The following RNF212B variants were observed in gnomAD, a reference collection of about 807,000 sequenced individuals.
RNF212B encodes ring finger protein 212B.
In RNF212B, 52 loss-of-function variants were observed where a neutral mutation model predicts 55.5. The ratio of observed to expected loss-of-function variants is 0.94; its 90% CI spans 0.75 to 1.18. RNF212B has a LOEUF of 1.18. Among genes scored for constraint, RNF212B ranks in the 50% most tolerant of loss-of-function variants. RNF212B has a pLI of 0.00. For missense variants in RNF212B, 289 were observed against 350.4 expected (o/e 0.82, Z 1.40); for synonymous variants, 99 against 121.4 (o/e 0.82, Z 1.21).
chr14:23,264,230 G>A lies in RNF212B; in HGVS notation c.581G>A (p.Gly194Glu). The A allele has an allele frequency of 6.5e-7, 1 of 1,547,828 alleles. No homozygotes were observed. Among genetic ancestry groups the A allele is most frequent in the Non-Finnish European group, 8.7e-7 (1 of 1,144,508 alleles). ...PYREAGFGSLGQGGRGLQGRR... is the reference protein window; with the variant it reads ...PYREAGFGSLEQGGRGLQGRR... ...AGAGAGGCTGGCTTTGGTAGCTTGG[G>A]ACAAGTAAGTAATGTTCACCTTATC... The change falls in exon 10 of 15, where the codon GGA becomes GAA. Residue 194 changes from glycine (G) to glutamate (E), a missense_variant. Coordinates refer to ENST00000430154, the MANE Select transcript of RNF212B (RefSeq NM_001282322.3).
rs1381449548 is a variant in RNF212B at position 23,243,262 on chromosome 14, G to A, written c.107G>A (p.Cys36Tyr). The change falls in exon 3 of 15, where the codon TGT becomes TAT. Residue 36 changes from cysteine to tyrosine, a missense_variant. By Grantham distance (194) the Cys-to-Tyr change is radical. Coordinates refer to ENST00000430154, the MANE Select transcript of RNF212B (RefSeq NM_001282322.3). ...TTTTCCCTTTTCCTCCCAGAAAAATGTGCTGTTTGTGGAACTGCCTGCAAG... is the reference window on the plus strand; with the variant it reads ...TTTTCCCTTTTCCTCCCAGAAAAATATGCTGTTTGTGGAACTGCCTGCAAG... ...FCKKCVTLEK[C>Y]AVCGTACKHL... The A allele has an allele frequency of 3.2e-6, 5 of 1,548,880 alleles. No individual in the cohort carries two copies. Among genetic ancestry groups the A allele is most frequent in the South Asian group, 1.2e-5 (1 of 83,946 alleles).
chr14:23,234,169 T>C (rs926211770), upstream of RNF212B, among the ~76,000 whole-genome samples: 2 of 152,192 alleles, frequency 1.3e-5, no homozygotes, highest in Admixed American at 1.3e-4. Flanking sequence ...CTTTTTTTTT[T>C]CAACTGTTCA....
intron 2 of RNF212B, among the ~76,000 whole-genome samples, chr14:23,204,900 AGT>A (rs1404992833): frequency 4.6e-5 from 7 of 152,110 alleles, no homozygotes; most frequent in Non-Finnish European, 8.8e-5. Flanking sequence ...TTCTCTCAGC[AGT>A]GTTTTGTACT....
intron 11 of RNF212B, among the ~76,000 whole-genome samples, chr14:23,266,487 C>T (rs552095976): frequency 1.4e-5 from 2 of 142,330 alleles, no homozygotes; most frequent in East Asian, 4.1e-4. Flanking sequence ...TCTCGGCTCA[C>T]CGCAACCTCC....
intron 11 of RNF212B, 38 bp from the exon 12 acceptor site, chr14:23,268,886 C>T: frequency 1.3e-6 from 2 of 1,526,902 alleles, no homozygotes; most frequent in Non-Finnish European, 1.8e-6. Context: ...TTCTCCAGTT[C>T]ATGGATTATC....
chr14:23,237,703 G>T (rs1331202368), upstream of RNF212B, among the ~76,000 whole-genome samples: 2 of 152,086 alleles, frequency 1.3e-5, no homozygotes, highest in Non-Finnish European at 2.9e-5. Flanking sequence ...AACATGTATG[G>T]GATTAGGTTA....
At chr14:23,256,234 T>C (rs1884821789) in intron 4 of RNF212B, among the ~76,000 whole-genome samples, 2 of 152,142 alleles carry the variant, frequency 1.3e-5, no homozygotes, top group Admixed American at 1.3e-4. Context: ...AAGGGTAGGA[T>C]TAGGATATTT....
At chr14:23,248,869 T>G (rs997981166) in intron 4 of RNF212B, among the ~76,000 whole-genome samples, 7 of 152,344 alleles carry the variant, frequency 4.6e-5, no homozygotes, top group Admixed American at 2.0e-4. Flanking sequence ...AATGAATTTT[T>G]GTGGGACACA....
At chr14:23,250,029 A>G (rs376636901) in intron 4 of RNF212B, among the ~76,000 whole-genome samples, 1 of 152,122 alleles carries the variant, frequency 6.6e-6, no homozygotes, top group African/African-American at 2.4e-5. Flanking sequence ...TCCAATTTCA[A>G]TCACAACTAC....
chr14:23,198,671 CA>C (rs11352293), intron 2 of RNF212B, among the ~76,000 whole-genome samples: 142,248 of 145,274 alleles, frequency 0.98, 69,658 homozygotes, highest in South Asian at 1. Context: ...AAACTCTGTC[CA>C]AAAAAAAAAA....
Position 23,272,968 on chromosome 14 carries a change from C to T in RNF212B, c.*77C>T, listed in dbSNP as rs1886223924. ...TCCAGTACGCATTAGGGGTGATGGCCCTGGAAAATGTATCCCTGCATTGTT... is the reference window on the plus strand; with the variant it reads ...TCCAGTACGCATTAGGGGTGATGGCTCTGGAAAATGTATCCCTGCATTGTT... On this transcript the variant is annotated 3_prime_UTR_variant, in exon 15 of 15. Transcript: ENST00000430154. The T allele has an allele frequency of 3.8e-6, 3 of 785,332 alleles. No individual in the cohort carries two copies. Among genetic ancestry groups the T allele is most frequent in the Admixed American group, 6.2e-5 (2 of 32,380 alleles). 48.6% of individuals were successfully genotyped at this position (785,332 alleles called of 1,614,324 possible).
chr14:23,190,970 G>A (rs905772889), intron 1 of RNF212B, among the ~76,000 whole-genome samples: 37 of 152,294 alleles, frequency 2.4e-4, no homozygotes, highest in Middle Eastern at 3.4e-3. Context: ...CCTGCAGACC[G>A]TCTTGGGGGT....
intron 4 of RNF212B, among the ~76,000 whole-genome samples, chr14:23,246,090 C>A (rs1883958332): frequency 6.6e-6 from 1 of 151,658 alleles, no homozygotes. Flanking sequence ...TTCTGAGGGA[C>A]TGGAGAACCT....
intron 11 of RNF212B, 68 bp from the exon 12 acceptor site, chr14:23,268,856 C>A (rs1256437747): frequency 7.5e-7 from 1 of 1,340,550 alleles, no homozygotes; most frequent in Non-Finnish European, 1.0e-6. Context: ...TTGCCCTGGC[C>A]CCAAGTATAC....
At chr14:23,263,488 G>A (rs1029427073) in intron 9 of RNF212B, among the ~76,000 whole-genome samples, 3 of 152,206 alleles carry the variant, frequency 2.0e-5, no homozygotes, top group Non-Finnish European at 4.4e-5. Context: ...GGTAATCAAT[G>A]ACTGGGGGTC....
chr14:23,232,614 C>T (rs898636412), intron 2 of RNF212B, among the ~76,000 whole-genome samples: 39 of 151,146 alleles, frequency 2.6e-4, no homozygotes, highest in East Asian at 4.0e-4. Flanking sequence ...AGCCCCCGCC[C>T]GGCCAGCCTC....
At position 23,217,822 on chromosome 14, in the gene RNF212B, G is replaced by A. The variant is rs372491728; in HGVS notation, c.-1-22523G>A. Among the ~76,000 whole-genome samples the A allele has an allele frequency of 1.5e-3, 225 of 152,080 alleles. 3 individuals carry two copies. In the South Asian group the frequency reaches 0.034, roughly 23 times the overall value. On this transcript the variant is annotated intron_variant, in intron 2 of 15. Transcript: ENST00000399910. ...ATAATAACGAACTCACCAGTTCTCA[G>A]ACACTGATGAACATCTACAAGCATC... is the stretch of plus-strand genomic sequence containing the variant.
intron 14 of RNF212B, 44 bp downstream of exon 14, chr14:23,270,705 A>G (rs1323037363): frequency 2.2e-6 from 3 of 1,351,198 alleles, no homozygotes; most frequent in Non-Finnish European, 2.1e-6. Flanking sequence ...AAAATCTCAC[A>G]TGGTTAGGCC....
At chr14:23,197,333 C>G (rs1878816702) in intron 2 of RNF212B, among the ~76,000 whole-genome samples, 1 of 152,158 alleles carries the variant, frequency 6.6e-6, no homozygotes, top group Non-Finnish European at 1.5e-5. Flanking sequence ...TTGAGACCAG[C>G]CTGGCCAACA....
Sources: allele counts gnomAD v4.1 joint callset (sites outside exome capture counted in the v4.1 genomes callset), GRCh38; gene constraint gnomAD v4.1.1; transcripts MANE v1.5; gene names NCBI Gene and HGNC (gene_info 2026-07-23, HGNC 2026-07-21).